The following ASIC2 variants were observed in gnomAD, a reference collection of about 807,000 sequenced individuals.
ASIC2 encodes acid-sensing ion channel 2.
In ASIC2, 25 loss-of-function variants were observed where a neutral mutation model predicts 57.3. That is an observed-to-expected ratio of 0.44 (90% CI 0.32 to 0.61). The LOEUF (loss-of-function observed/expected upper bound fraction) is 0.61, where lower values mean the gene tolerates loss of function less well. ASIC2 is among the 20% of genes least tolerant of loss of function. ASIC2 has a pLI of 0.06. For synonymous variants in ASIC2, 319 were observed against 307.5 expected (o/e 1.04, Z -0.39); for missense variants, 641 against 738.1 (o/e 0.87, Z 1.52).
chr17:33,382,620 A>C (rs1909529760), intron 1 of ASIC2, among the ~76,000 whole-genome samples: 1 of 152,228 alleles, frequency 6.6e-6, no homozygotes, highest in South Asian at 2.1e-4. Context: ...TGCATAATCC[A>C]CAAACAGCTC....
intron 1 of ASIC2, among the ~76,000 whole-genome samples, chr17:33,976,010 T>C (rs1310270229): frequency 6.6e-6 from 1 of 151,954 alleles, no homozygotes; most frequent in Non-Finnish European, 1.5e-5. Context: ...CCTTTGCCTA[T>C]CTTCAGACCT....
At chr17:33,530,625 C>G (rs1915022310) in intron 1 of ASIC2, among the ~76,000 whole-genome samples, 2 of 152,180 alleles carry the variant, frequency 1.3e-5, no homozygotes, top group Non-Finnish European at 2.9e-5. Context: ...GCACTAAGCC[C>G]TTTTTTCAAG....
In ASIC2 at chr17:33,021,279, CA is replaced by C; in HGVS notation, c.1380del (p.Phe460LeufsTer40). 1 of 1,611,722 alleles carries C rather than the reference CA, an allele frequency of 6.2e-7. No homozygotes were observed. On this transcript the variant is annotated frameshift_variant, in exon 7 of 10. Transcript: ENST00000225823. LOFTEE classifies it high-confidence loss of function. ...SENILVLDIF[F>X]EALNYETIEQ... ...TCAATTGTCTCATAATTGAGAGCTT[CA>C]AAAAATATATCCAGAACAAGGATGT...
chr17:34,112,324 C>A (rs1049158400), intron 1 of ASIC2, among the ~76,000 whole-genome samples: 1 of 152,150 alleles, frequency 6.6e-6, no homozygotes, highest in Admixed American at 6.5e-5. Flanking sequence ...CTGAACTCAT[C>A]ATAATAAATT....
At chr17:34,086,406 G>C (rs1910114254) in intron 1 of ASIC2, among the ~76,000 whole-genome samples, 1 of 152,120 alleles carries the variant, frequency 6.6e-6, no homozygotes, top group South Asian at 2.1e-4. Flanking sequence ...CTGAGAGATA[G>C]TTTGTTATAA....
chr17:34,134,346 C>A (rs1912072418), intron 1 of ASIC2, among the ~76,000 whole-genome samples: 2 of 152,232 alleles, frequency 1.3e-5, no homozygotes, highest in African/African-American at 4.8e-5. Flanking sequence ...GCCCCAAAGT[C>A]CCCAGAAAGG....
intron 1 of ASIC2, among the ~76,000 whole-genome samples, chr17:33,639,598 T>C (rs1349785463): frequency 1.3e-5 from 2 of 152,022 alleles, no homozygotes; most frequent in African/African-American, 4.8e-5. Context: ...CAGGAGCTGT[T>C]AATCCTGTGA....
rs558640466 is a variant in ASIC2, at chr17:33,970,012, T to G, written c.555+185966A>C. On this transcript the variant is annotated intron_variant, in intron 1 of 9. Coordinates refer to the ASIC2 transcript ENST00000359872. The stretch of plus-strand genomic sequence containing the variant: ...TGCCGGTACCATTAGGATCTAGCAA[T>G]GCAAAGTCTTGTTTATCTCAACGTG... 5.3e-5 allele frequency among the ~76,000 whole-genome samples: 8 copies of G among 152,246 alleles called. No individual in the cohort carries two copies. In the East Asian group the frequency reaches 7.7e-4, roughly 15 times the overall value.
At chr17:34,117,764 TGAG>T (rs1911471595) in intron 1 of ASIC2, among the ~76,000 whole-genome samples, 1 of 152,022 alleles carries the variant, frequency 6.6e-6, no homozygotes, top group Non-Finnish European at 1.5e-5. Context: ...AGGGAAGAGT[TGAG>T]GATGACTCTG....
chr17:33,184,536 T>C (rs996442876), intron 1 of ASIC2, among the ~76,000 whole-genome samples: 2 of 152,170 alleles, frequency 1.3e-5, no homozygotes, highest in African/African-American at 2.4e-5. Flanking sequence ...TGATAAACTT[T>C]GCAAATGTGA....
chr17:33,205,848 A>G (rs528161252), intron 1 of ASIC2, among the ~76,000 whole-genome samples: 1 of 152,304 alleles, frequency 6.6e-6, no homozygotes, highest in Admixed American at 6.5e-5. Flanking sequence ...AGCAGGAGAT[A>G]ATTTGATTGG....
chr17:33,758,983 T>C (rs1427864895), intron 1 of ASIC2, among the ~76,000 whole-genome samples: 1 of 150,218 alleles, frequency 6.7e-6, no homozygotes, highest in Non-Finnish European at 1.5e-5. Context: ...TGAAAATGTG[T>C]AAGCATTTTC....
intron 1 of ASIC2, among the ~76,000 whole-genome samples, chr17:34,081,615 T>C (rs1381288814): frequency 6.6e-6 from 1 of 152,210 alleles, no homozygotes. Flanking sequence ...AATGCATCCT[T>C]GAACTTTCAC....
intron 3 of ASIC2, among the ~76,000 whole-genome samples, chr17:33,062,289 G>A (rs966851025): frequency 6.6e-6 from 1 of 152,068 alleles, no homozygotes; most frequent in East Asian, 1.9e-4. Context: ...GCTTTCTCTT[G>A]TGGGCATTTA....
chr17:33,962,226 G>C (rs4550495), intron 1 of ASIC2, among the ~76,000 whole-genome samples: 15,234 of 152,216 alleles, frequency 0.1, 889 homozygotes, highest in Middle Eastern at 0.17. Flanking sequence ...TAAAACATGG[G>C]AAAATAAGTA....
intron 1 of ASIC2, among the ~76,000 whole-genome samples, chr17:33,214,437 C>A (rs1335857529): frequency 6.6e-6 from 1 of 152,176 alleles, no homozygotes; most frequent in Admixed American, 6.5e-5. Flanking sequence ...CTGGAGCTGG[C>A]AGACATTGTG....
rs796194135 is a variant in ASIC2, at chr17:33,664,693, C to T, written c.555+491285G>A. On this transcript the variant is annotated intron_variant, in intron 1 of 9. Transcript: ENST00000359872. ...ACAGTTGATAGAGCAGAGCTCCCCCCTCTTCTTTAACTTGCAGATACATTG... is the reference window on the plus strand; with the variant it reads ...ACAGTTGATAGAGCAGAGCTCCCCCTTCTTCTTTAACTTGCAGATACATTG... 1.7e-4 allele frequency among the ~76,000 whole-genome samples: 26 copies of T among 152,322 alleles called. 1 individual carries two copies. The highest frequency in any genetic ancestry group is 6.0e-4 in the African/African-American group (25 of 41,564).
chr17:33,814,929 A>C (rs1400370101), intron 1 of ASIC2, among the ~76,000 whole-genome samples: 1 of 152,156 alleles, frequency 6.6e-6, no homozygotes, highest in Non-Finnish European at 1.5e-5. Flanking sequence ...GATGTTTTAT[A>C]AATGTCAGTT....
chr17:33,364,438 C>T (rs1274903290), intron 1 of ASIC2, among the ~76,000 whole-genome samples: 2 of 152,146 alleles, frequency 1.3e-5, no homozygotes, highest in African/African-American at 2.4e-5. Flanking sequence ...CATCCCCAAC[C>T]AAATCTCATG....
Sources: allele counts gnomAD v4.1 joint callset (sites outside exome capture counted in the v4.1 genomes callset), GRCh38; gene constraint gnomAD v4.1.1; transcripts MANE v1.5; gene names NCBI Gene and HGNC (gene_info 2026-07-23, HGNC 2026-07-21).